CCDC141: variants seen among roughly 807,000 people sequenced by gnomAD.
CCDC141 encodes the protein coiled-coil domain containing 141.
A neutral mutation model predicts 181.0 loss-of-function variants in CCDC141; 168 were observed. The ratio of observed to expected loss-of-function variants is 0.93; its 90% CI spans 0.82 to 1.05. CCDC141 has a LOEUF of 1.05. Among genes scored for constraint, CCDC141 ranks in the 50% least tolerant of loss-of-function variants. The probability of loss-of-function intolerance (pLI) is 0.00; values close to 1 mark genes in which losing one functional copy is unlikely to be tolerated. For missense variants in CCDC141, 1,902 were observed against 1,788.5 expected (o/e 1.06, Z -1.14); for synonymous variants, 666 against 642.3 (o/e 1.04, Z -0.56).
chr2:178,957,169 GGCCGAGAAAGCTTTCATAAGTT>G (rs1316810613), intron 5 of CCDC141, among the ~76,000 whole-genome samples: 1 of 152,212 alleles, frequency 6.6e-6, no homozygotes, highest in Non-Finnish European at 1.5e-5. Flanking sequence ...CACCGGGCCT[GGCCGAGAAAGCTTTCATAAGTT>G]GTAAGGTTTA....
At chr2:178,943,468 A>G (rs910395860) in intron 6 of CCDC141, among the ~76,000 whole-genome samples, 1 of 152,116 alleles carries the variant, frequency 6.6e-6, no homozygotes, top group African/African-American at 2.4e-5. Context: ...AATAAATGCA[A>G]TCTACTGCCT....
chr2:179,045,754 G>A (rs2043476580), intron 2 of CCDC141, among the ~76,000 whole-genome samples: 1 of 152,068 alleles, frequency 6.6e-6, no homozygotes, highest in African/African-American at 2.4e-5. Context: ...GCATTTCTCT[G>A]ATGGCAAAAA....
At chr2:178,982,094 G>C (rs980806495) in intron 2 of CCDC141, among the ~76,000 whole-genome samples, 1 of 151,740 alleles carries the variant, frequency 6.6e-6, no homozygotes, top group African/African-American at 2.4e-5. Context: ...ACTCACACAA[G>C]AAAAAATAGG....
intron 2 of CCDC141, among the ~76,000 whole-genome samples, chr2:179,010,189 G>T (rs1405254240): frequency 6.6e-6 from 1 of 152,132 alleles, no homozygotes; most frequent in Non-Finnish European, 1.5e-5. Flanking sequence ...TGGTGTTCCT[G>T]AGGAAGAAGA....
At chr2:179,027,753 C>A (rs1258829441) in intron 2 of CCDC141, among the ~76,000 whole-genome samples, 2 of 150,934 alleles carry the variant, frequency 1.3e-5, no homozygotes, top group Non-Finnish European at 2.9e-5. Context: ...CCTTGCCTTC[C>A]ACCATGATTG....
At chr2:179,008,023 G>A (rs1473577) in intron 2 of CCDC141, among the ~76,000 whole-genome samples, 2 of 152,062 alleles carry the variant, frequency 1.3e-5, no homozygotes, top group Non-Finnish European at 2.9e-5. Context: ...TGATGTCATC[G>A]TCTATGTTCT....
At chr2:178,847,995 C>T (rs1038238490) in intron 21 of CCDC141, among the ~76,000 whole-genome samples, 1 of 152,120 alleles carries the variant, frequency 6.6e-6, no homozygotes, top group Admixed American at 6.6e-5. Flanking sequence ...CTATGAGAAA[C>T]AAATGTCTGT....
chr2:178,817,741 TTTTC>T, the CCDC141 span: 6 of 304,130 alleles, frequency 2.0e-5, no homozygotes, highest in Non-Finnish European at 2.6e-5. Flanking sequence ...TTCGTTCTCT[TTTTC>T]TTTATCTCTT....
intron 6 of CCDC141, among the ~76,000 whole-genome samples, chr2:178,920,197 A>G (rs1358361366): frequency 3.3e-5 from 5 of 152,186 alleles, no homozygotes; most frequent in Non-Finnish European, 1.5e-5. Flanking sequence ...GAAGCGTGGA[A>G]AATTTAGCAC....
At chr2:178,941,195 A>G (rs1480305225) in intron 6 of CCDC141, among the ~76,000 whole-genome samples, 1 of 152,096 alleles carries the variant, frequency 6.6e-6, no homozygotes, top group Non-Finnish European at 1.5e-5. Context: ...ATTCTGCCAT[A>G]TTCTGGTTTG....
intron 2 of CCDC141, among the ~76,000 whole-genome samples, chr2:179,038,713 C>T (rs894173017): frequency 6.6e-6 from 1 of 152,082 alleles, no homozygotes; most frequent in African/African-American, 2.4e-5. Context: ...AATAAGCATT[C>T]CCTGAATTGG....
chr2:178,886,785 C>T lies in CCDC141; in HGVS notation c.1494G>A (p.Leu498=). ...GSTRSESEKI[L]NKYLELDIQA... ...GGATATCTAGTTCCAGATATTTATT[C>T]AAAATCTTCTCTGATTCAGAACGGG... Residue 498 remains leucine (L), a synonymous_variant, in exon 10 of 24, where the codon TTG becomes TTA. Transcript: ENST00000443758. 6.8e-7 allele frequency: 1 copy of T among 1,469,792 alleles called. No individual in the cohort carries two copies. Among genetic ancestry groups the T allele is most frequent in the African/African-American group, 1.4e-5 (1 of 69,004 alleles). The allele number at this position is 1,469,792 out of a possible 1,614,324, so 91.0% of individuals were successfully genotyped here.
chr2:179,017,997 A>T (rs1334776920), intron 2 of CCDC141, among the ~76,000 whole-genome samples: 1 of 152,158 alleles, frequency 6.6e-6, no homozygotes, highest in Non-Finnish European at 1.5e-5. Flanking sequence ...GTTCTGGCCA[A>T]CATCATAAAG....
At chr2:179,031,079 T>C (rs1357265746) in intron 2 of CCDC141, among the ~76,000 whole-genome samples, 1 of 152,126 alleles carries the variant, frequency 6.6e-6, no homozygotes, top group Admixed American at 6.5e-5. Flanking sequence ...ATAAAGTGTA[T>C]ACAGGACTTT....
chr2:178,934,477 A>C (rs1025090052), intron 6 of CCDC141, among the ~76,000 whole-genome samples: 1 of 152,144 alleles, frequency 6.6e-6, no homozygotes, highest in African/African-American at 2.4e-5. Context: ...CATGTCTGCT[A>C]TTTCATTGTC....
At chr2:178,985,983 C>T (rs1358512399) in intron 2 of CCDC141, among the ~76,000 whole-genome samples, 2 of 152,174 alleles carry the variant, frequency 1.3e-5, no homozygotes, top group Non-Finnish European at 1.5e-5. Context: ...CAGCATCATT[C>T]GGATACCAAA....
chr2:178,856,058 C>T (rs1685371560), intron 18 of CCDC141, among the ~76,000 whole-genome samples, 199 bp downstream of exon 18: 1 of 152,054 alleles, frequency 6.6e-6, no homozygotes, highest in Non-Finnish European at 1.5e-5. Context: ...CTGGATCTGC[C>T]TCAAGAGGTA....
intron 7 of CCDC141, among the ~76,000 whole-genome samples, chr2:178,913,728 T>C (rs1481673812): frequency 1.3e-5 from 2 of 152,360 alleles, no homozygotes; most frequent in East Asian, 3.9e-4. Flanking sequence ...AACTACTTTT[T>C]GTGTGTTTCT....
intron 2 of CCDC141, among the ~76,000 whole-genome samples, chr2:179,026,968 G>C (rs1412065392): frequency 6.6e-6 from 1 of 152,248 alleles, no homozygotes; most frequent in Non-Finnish European, 1.5e-5. Flanking sequence ...TTTGCCCAAT[G>C]CCTGTACCTT....
Sources: gnomAD v4.1 joint callset for allele counts (sites outside exome capture counted in the v4.1 genomes callset) on GRCh38, gnomAD v4.1.1 for gene constraint, MANE v1.5 for transcripts, NCBI Gene and HGNC (gene_info 2026-07-23, HGNC 2026-07-21) for gene names.